KHDRBS2: variants seen among roughly 807,000 people sequenced by gnomAD.
The protein encoded by KHDRBS2 is KH domain-containing, RNA-binding, signal transduction-associated protein 2.
KHDRBS2 carries 26 observed loss-of-function variants against 44.3 expected under a neutral mutation model. The ratio of observed to expected loss-of-function variants is 0.59; its 90% CI spans 0.43 to 0.81. KHDRBS2 has a LOEUF of 0.81. KHDRBS2 is among the 40% of genes least tolerant of loss of function. The probability of loss-of-function intolerance (pLI) is 0.00; values close to 1 mark genes in which losing one functional copy is unlikely to be tolerated. For synonymous variants in KHDRBS2, 194 were observed against 151.1 expected (o/e 1.28, Z -2.08); for missense variants, 476 against 433.1 (o/e 1.10, Z -0.88).
intron 6 of KHDRBS2, among the ~76,000 whole-genome samples, chr6:61,857,476 G>A (rs965634777): frequency 6.6e-6 from 1 of 151,578 alleles, no homozygotes; most frequent in African/African-American, 2.4e-5. Flanking sequence ...ATCAAGGCTG[G>A]CATACAGATA....
At chr6:61,778,747 G>A (rs1168316072) in intron 6 of KHDRBS2, among the ~76,000 whole-genome samples, 1 of 152,120 alleles carries the variant, frequency 6.6e-6, no homozygotes, top group Non-Finnish European at 1.5e-5. Flanking sequence ...ATGCCAAGAG[G>A]CAGTAGATTA....
intron 7 of KHDRBS2, among the ~76,000 whole-genome samples, chr6:61,718,259 G>T (rs1771770988): frequency 1.3e-5 from 2 of 152,030 alleles, no homozygotes; most frequent in Non-Finnish European, 2.9e-5. Context: ...TGTGCGAGGG[G>T]TTTGAGAACC....
chr6:62,092,333 A>G (rs1295368617), intron 2 of KHDRBS2, among the ~76,000 whole-genome samples: 1 of 152,208 alleles, frequency 6.6e-6, no homozygotes, highest in Non-Finnish European at 1.5e-5. Flanking sequence ...ACCTGAAAAT[A>G]CATAATATCT....
the KHDRBS2 span, among the ~76,000 whole-genome samples, chr6:61,569,330 T>C: frequency 2.0e-5 from 3 of 152,256 alleles, no homozygotes; most frequent in South Asian, 6.2e-4. Context: ...ACACAAAAGA[T>C]AGACTCTCTT....
chr6:61,747,094 GA>G (rs1224528299), intron 6 of KHDRBS2, among the ~76,000 whole-genome samples: 2 of 149,928 alleles, frequency 1.3e-5, no homozygotes, highest in Non-Finnish European at 3.0e-5. Context: ...ACATTTTTAA[GA>G]AGAAGACATT....
chr6:61,547,770 G>A, the KHDRBS2 span, among the ~76,000 whole-genome samples: 87 of 152,092 alleles, frequency 5.7e-4, no homozygotes, highest in East Asian at 1.9e-4. Context: ...GGGTGAGATC[G>A]GCTGCCTTAG....
intron 6 of KHDRBS2, among the ~76,000 whole-genome samples, chr6:61,753,609 G>A (rs1219946783): frequency 6.6e-6 from 1 of 151,996 alleles, no homozygotes; most frequent in Non-Finnish European, 1.5e-5. Context: ...TCCTCCTTGG[G>A]GCTATATGGA....
chr6:62,273,634 T>C (rs1840443364), intron 1 of KHDRBS2, among the ~76,000 whole-genome samples: 1 of 152,166 alleles, frequency 6.6e-6, no homozygotes. Flanking sequence ...TTATATGTTC[T>C]CTCAGGGTGA....
intron 2 of KHDRBS2, among the ~76,000 whole-genome samples, chr6:62,106,937 A>G (rs9342667): frequency 0.62 from 92,785 of 150,428 alleles, 28,784 homozygotes; most frequent in African/African-American, 0.63. Context: ...TTGATGGGAT[A>G]TATCTCAAAA....
At chr6:62,256,009 C>T (rs1281757284) in intron 1 of KHDRBS2, among the ~76,000 whole-genome samples, 1 of 151,626 alleles carries the variant, frequency 6.6e-6, no homozygotes, top group East Asian at 2.0e-4. Context: ...GTGATGAGCA[C>T]CTATAATCTC....
intron 6 of KHDRBS2, among the ~76,000 whole-genome samples, chr6:61,777,901 AGG>A (rs1201692378): frequency 6.6e-6 from 1 of 152,012 alleles, no homozygotes; most frequent in African/African-American, 2.4e-5. Context: ...TTTGTTGTAA[AGG>A]TAATCTTGTG....
intron 3 of KHDRBS2, among the ~76,000 whole-genome samples, chr6:62,028,923 A>T (rs949484803): frequency 1.3e-5 from 2 of 151,904 alleles, no homozygotes; most frequent in African/African-American, 4.8e-5. Context: ...AGAAGTGATA[A>T]TTTTTTTTCT....
At chr6:61,657,508 G>A in the KHDRBS2 span, among the ~76,000 whole-genome samples, 1 of 151,944 alleles carries the variant, frequency 6.6e-6, no homozygotes, top group South Asian at 2.1e-4. Context: ...TGCAACATAA[G>A]CAAAATAGTT....
intron 4 of KHDRBS2, among the ~76,000 whole-genome samples, chr6:61,903,985 A>C (rs1401926768): frequency 6.6e-6 from 1 of 152,192 alleles, no homozygotes; most frequent in African/African-American, 2.4e-5. Context: ...CTGGAGAAAT[A>C]GATAATAAAT....
the KHDRBS2 span, among the ~76,000 whole-genome samples, chr6:61,561,471 C>T: frequency 4.6e-5 from 7 of 152,162 alleles, no homozygotes; most frequent in Non-Finnish European, 1.0e-4. Flanking sequence ...TTCAGAGATG[C>T]TGTCTGGGAG....
chr6:61,866,641 G>C (rs1283252566), intron 6 of KHDRBS2, among the ~76,000 whole-genome samples: 1 of 152,174 alleles, frequency 6.6e-6, no homozygotes, highest in Non-Finnish European at 1.5e-5. Context: ...TTATCAGGTT[G>C]CAACTTTTGT....
At chr6:61,967,877 T>G (rs9342557) in intron 4 of KHDRBS2, among the ~76,000 whole-genome samples, 1 of 123,262 alleles carries the variant, frequency 8.1e-6, no homozygotes, top group Non-Finnish European at 1.7e-5. Context: ...TACACACACA[T>G]ACACACAAAC....
At chr6:61,953,078 T>C (rs926721481) in intron 4 of KHDRBS2, among the ~76,000 whole-genome samples, 2 of 152,022 alleles carry the variant, frequency 1.3e-5, no homozygotes, top group African/African-American at 2.4e-5. Flanking sequence ...CTGTTCATAT[T>C]TGGCCCAAAT....
chr6:62,102,144 A>G (rs1488693444), intron 2 of KHDRBS2, among the ~76,000 whole-genome samples: 3 of 152,170 alleles, frequency 2.0e-5, no homozygotes, highest in Admixed American at 6.5e-5. Context: ...TCTAATGGTA[A>G]TTATTTAATA....
Sources: gnomAD v4.1 joint callset for allele counts (sites outside exome capture counted in the v4.1 genomes callset) on GRCh38, gnomAD v4.1.1 for gene constraint, MANE v1.5 for transcripts, NCBI Gene and HGNC (gene_info 2026-07-23, HGNC 2026-07-21) for gene names.